The following TRIM36 variants were observed in gnomAD, a reference collection of about 807,000 sequenced individuals.
The protein encoded by TRIM36 is E3 ubiquitin-protein ligase TRIM36.
TRIM36 carries 42 observed loss-of-function variants against 72.4 expected under a neutral mutation model. The ratio of observed to expected loss-of-function variants is 0.58; its 90% confidence interval spans 0.45 to 0.75. The LOEUF is 0.75. TRIM36 is among the 30% of genes least tolerant of loss of function. The pLI, the probability that TRIM36 is intolerant of heterozygous loss-of-function variation, is 0.00. For synonymous variants in TRIM36, 315 were observed against 282.8 expected (o/e 1.11, Z -1.14); for missense variants, 913 against 857.1 (o/e 1.07, Z -0.81).
intron 1 of TRIM36, 72 bp downstream of exon 1, chr5:115,169,536 C>G: frequency 6.9e-7 from 1 of 1,457,806 alleles, no homozygotes; most frequent in Non-Finnish European, 9.2e-7. Context: ...GGGCTCCCGG[C>G]GGAGGAAAGA....
chr5:115,172,022 A>G (rs1323597291), upstream of TRIM36, among the ~76,000 whole-genome samples: 2 of 152,220 alleles, frequency 1.3e-5, no homozygotes, highest in Non-Finnish European at 2.9e-5. Flanking sequence ...CTTTCAGAGT[A>G]TAAGTGTCTT....
chr5:115,137,076 C>T lies in TRIM36; in HGVS notation c.1134G>A (p.Gln378=). The T allele has an allele frequency of 6.2e-7, 1 of 1,611,378 alleles. No homozygotes were observed. The highest frequency in any genetic ancestry group is 8.5e-7 in the Non-Finnish European group (1 of 1,179,200). ...ESLKSFRPAA[Q]TSFEDYVVNT... is the part of the protein sequence containing the mutation. ...TAACAACATAGTCTTCAAAAGAAGT[C>T]TGAGCTGCAGGTCTAAAGCTCTTCA... is the stretch of plus-strand genomic sequence containing the variant. The change falls in exon 7 of 10, where the codon CAG becomes CAA. Residue 378 remains glutamine (Q), a synonymous_variant. Coordinates refer to ENST00000513154, the MANE Select transcript of TRIM36 (RefSeq NM_001300759.2).
At chr5:115,152,261 A>C (rs1753932297) in intron 2 of TRIM36, among the ~76,000 whole-genome samples, 1 of 152,308 alleles carries the variant, frequency 6.6e-6, no homozygotes, top group Middle Eastern at 3.4e-3. Context: ...GAACAAGTAG[A>C]AGAAAGAAAT....
intron 2 of TRIM36, among the ~76,000 whole-genome samples, chr5:115,148,121 G>A (rs1427441580): frequency 6.6e-6 from 1 of 152,144 alleles, no homozygotes; most frequent in Non-Finnish European, 1.5e-5. Context: ...ATAATTTAGT[G>A]ATTTTTAAGA....
At chr5:115,131,204 G>C (rs938558399) in intron 8 of TRIM36, among the ~76,000 whole-genome samples, 10 of 151,990 alleles carry the variant, frequency 6.6e-5, no homozygotes, top group African/African-American at 2.4e-4. Context: ...TATTGAATTT[G>C]TTCTTTTATC....
At chr5:115,138,227 G>GT (rs1753070712) in intron 5 of TRIM36, among the ~76,000 whole-genome samples, 1 of 152,134 alleles carries the variant, frequency 6.6e-6, no homozygotes, top group Non-Finnish European at 1.5e-5. Context: ...AGCCTCCCAA[G>GT]TAGCTGGGAC....
intron 2 of TRIM36, among the ~76,000 whole-genome samples, chr5:115,157,821 G>A (rs1366295071): frequency 6.6e-6 from 1 of 152,132 alleles, no homozygotes; most frequent in African/African-American, 2.4e-5. Context: ...CAGTGACCTC[G>A]ATGAGACTGG....
At chr5:115,135,611 C>A (rs1276702807) in intron 7 of TRIM36, among the ~76,000 whole-genome samples, 1 of 152,062 alleles carries the variant, frequency 6.6e-6, no homozygotes, top group Non-Finnish European at 1.5e-5. Context: ...CCAGGATAAC[C>A]CACCCTCAAC....
Position 115,133,024 on chromosome 5 carries a change from T to A in TRIM36, c.1498+836A>T, listed in dbSNP as rs1334893052. Among the ~76,000 whole-genome samples the A allele has an allele frequency of 2.0e-5, 3 of 152,180 alleles. No homozygotes were observed. In the East Asian group the frequency reaches 5.8e-4, roughly 29 times the overall value. ...TGAAAAACAAATTGTGCTTTTCTAT[T>A]TTGAACAAAAAAGGAAGAAAGGGGA... On this transcript the variant is annotated intron_variant, in intron 8 of 9. Transcript: ENST00000513154.
At chr5:115,164,078 G>A (rs570030878) in intron 1 of TRIM36, among the ~76,000 whole-genome samples, 13 of 152,160 alleles carry the variant, frequency 8.5e-5, no homozygotes, top group East Asian at 7.7e-4. Flanking sequence ...TTAGGACTTC[G>A]GTGAAATCCT....
chr5:115,146,013 C>T (rs1450808663), intron 3 of TRIM36, among the ~76,000 whole-genome samples: 1 of 152,118 alleles, frequency 6.6e-6, no homozygotes, highest in East Asian at 1.9e-4. Context: ...CTCAGTATAA[C>T]CTATCCATGT....
chr5:115,151,088 G>A (rs1206483352), intron 2 of TRIM36, among the ~76,000 whole-genome samples: 5 of 152,320 alleles, frequency 3.3e-5, no homozygotes, highest in Middle Eastern at 3.4e-3. Flanking sequence ...GTGGGAGAAG[G>A]AAAGCCATAC....
upstream of TRIM36, among the ~76,000 whole-genome samples, chr5:115,170,433 C>T (rs1368538455): frequency 6.6e-6 from 1 of 152,226 alleles, no homozygotes. Flanking sequence ...AAGCCACCTT[C>T]CCTGAATGGC....
chr5:115,129,031 T>C (rs1237273891), intron 9 of TRIM36, among the ~76,000 whole-genome samples: 1 of 152,084 alleles, frequency 6.6e-6, no homozygotes, highest in Non-Finnish European at 1.5e-5. Context: ...TTGTACCTTT[T>C]CTATGTTTAG....
chr5:115,161,764 GGGCTGAT>G (rs535569341), intron 2 of TRIM36, among the ~76,000 whole-genome samples: 219 of 152,218 alleles, frequency 1.4e-3, no homozygotes, highest in African/African-American at 5.1e-3. Context: ...CTGTCACTTT[GGGCTGAT>G]GGTTTTCTTA....
intron 1 of TRIM36, among the ~76,000 whole-genome samples, chr5:115,178,955 G>T (rs1755474112): frequency 2.0e-5 from 3 of 152,160 alleles, no homozygotes; most frequent in Admixed American, 2.0e-4. Context: ...AGTTAGTGGG[G>T]TGTGGGACTG....
intron 1 of TRIM36, among the ~76,000 whole-genome samples, chr5:115,164,750 T>C (rs1206245330): frequency 6.6e-6 from 1 of 152,210 alleles, no homozygotes; most frequent in Non-Finnish European, 1.5e-5. Flanking sequence ...AAACCAATCA[T>C]GCTTCCAAAC....
chr5:115,130,447 C>T (rs1752614129), intron 9 of TRIM36, 145 bp downstream of exon 9: 1 of 807,644 alleles, frequency 1.2e-6, no homozygotes, highest in South Asian at 2.1e-5. Context: ...ACAAGAATAC[C>T]CGGCTCCTTT....
chr5:115,166,019 C>T (rs1413864067), intron 1 of TRIM36, among the ~76,000 whole-genome samples: 1 of 152,114 alleles, frequency 6.6e-6, no homozygotes, highest in African/African-American at 2.4e-5. Flanking sequence ...GGGAGGGAGG[C>T]CAAGGGCAGG....
Sources: allele counts gnomAD v4.1 joint callset (sites outside exome capture counted in the v4.1 genomes callset), GRCh38; gene constraint gnomAD v4.1.1; transcripts MANE v1.5; gene names NCBI Gene and HGNC (gene_info 2026-07-23, HGNC 2026-07-21).